Variants in DAB1 observed in about 807,000 individuals in gnomAD.
DAB1 encodes disabled homolog 1.
DAB1 carries 15 observed loss-of-function variants against 64.6 expected under a neutral mutation model. That is an observed-to-expected ratio of 0.23 (90% confidence interval 0.16 to 0.36). DAB1 has a LOEUF of 0.36. DAB1 is among the 10% of genes least tolerant of loss of function. The pLI, the probability that DAB1 is intolerant of heterozygous loss-of-function variation, is 1.00. For synonymous variants in DAB1, 235 were observed against 251.9 expected, an observed-to-expected ratio of 0.93 and a Z score of 0.64; for missense variants, 596 against 706.7, an observed-to-expected ratio of 0.84 and a Z score of 1.78.
intron 2 of DAB1, among the ~76,000 whole-genome samples, chr1:57,213,201 G>T (rs1666166836): frequency 6.6e-6 from 1 of 150,650 alleles, no homozygotes; most frequent in African/African-American, 2.4e-5. Flanking sequence ...GGGATGGGGG[G>T]TGGGATTCTA....
chr1:57,364,907 C>A (rs922959612), intron 1 of DAB1, among the ~76,000 whole-genome samples: 1 of 148,446 alleles, frequency 6.7e-6, no homozygotes, highest in African/African-American at 2.5e-5. Context: ...ACACAAAATT[C>A]AGGTTAGAAG....
At position 57,011,291 on chromosome 1, in the gene DAB1, A is replaced by G; in HGVS notation, c.1445-19T>C. The G allele has an allele frequency of 6.2e-7, 1 of 1,609,958 alleles. No homozygotes were observed. Among genetic ancestry groups the G allele is most frequent in the Non-Finnish European group, 8.5e-7 (1 of 1,178,668 alleles). On this transcript the variant is annotated intron_variant, in intron 12 of 14. Transcript: ENST00000371236. Reference sequence around the variant, plus strand: ...GTTGGAGCTACACAGAGACCACAGAAAAAGAGACATCTTAAGTGCCTGGCT... The same window carrying G: ...GTTGGAGCTACACAGAGACCACAGAGAAAGAGACATCTTAAGTGCCTGGCT...
At chr1:58,388,215 G>A (rs1457249040) in intron 3 of DAB1, among the ~76,000 whole-genome samples, 2 of 152,126 alleles carry the variant, frequency 1.3e-5, no homozygotes, top group East Asian at 3.9e-4. Context: ...ATCATTTTCT[G>A]AGCTCTGACA....
chr1:57,653,879 G>A (rs375202310), intron 6 of DAB1, among the ~76,000 whole-genome samples: 4 of 152,318 alleles, frequency 2.6e-5, no homozygotes, highest in African/African-American at 9.6e-5. Context: ...CCAATGTGCT[G>A]GGATTACAGG....
At chr1:57,048,224 A>T (rs1432334801) in intron 9 of DAB1, among the ~76,000 whole-genome samples, 1 of 152,194 alleles carries the variant, frequency 6.6e-6, no homozygotes, top group Non-Finnish European at 1.5e-5. Flanking sequence ...TCATACTCTC[A>T]ACTGTAATAC....
intron 2 of DAB1, among the ~76,000 whole-genome samples, chr1:58,509,673 A>G (rs2100424140): frequency 6.6e-6 from 1 of 151,800 alleles, no homozygotes; most frequent in Non-Finnish European, 1.5e-5. Flanking sequence ...TAAATAAAGA[A>G]AACAGAGAAT....
chr1:57,654,824 G>C (rs1646297947), intron 6 of DAB1, among the ~76,000 whole-genome samples: 1 of 152,036 alleles, frequency 6.6e-6, no homozygotes, highest in Non-Finnish European at 1.5e-5. Context: ...TCCCTTTACG[G>C]TAAGTGCTTC....
intron 3 of DAB1, among the ~76,000 whole-genome samples, chr1:58,394,057 A>G (rs1644498884): frequency 6.6e-6 from 1 of 152,192 alleles, no homozygotes; most frequent in African/African-American, 2.4e-5. Context: ...ACTCAGTAAT[A>G]AGAAAGCAAC....
intron 3 of DAB1, among the ~76,000 whole-genome samples, chr1:57,138,274 A>T (rs1658299233): frequency 6.6e-6 from 1 of 152,078 alleles, no homozygotes; most frequent in South Asian, 2.1e-4. Flanking sequence ...CAACTTTCTC[A>T]ACTGACAGAT....
At chr1:57,526,138 A>G (rs1233374380) in intron 7 of DAB1, among the ~76,000 whole-genome samples, 1 of 152,064 alleles carries the variant, frequency 6.6e-6, no homozygotes, top group Non-Finnish European at 1.5e-5. Context: ...GGGTTTCACC[A>G]TGTTGGCCAG....
At chr1:57,990,279 G>A (rs919605076) in intron 5 of DAB1, among the ~76,000 whole-genome samples, 5 of 152,184 alleles carry the variant, frequency 3.3e-5, no homozygotes, top group East Asian at 1.9e-4. Context: ...TAGACTTACA[G>A]AGAATAAGTT....
chr1:57,970,167 A>C (rs979641894), intron 5 of DAB1, among the ~76,000 whole-genome samples: 1 of 152,198 alleles, frequency 6.6e-6, no homozygotes, highest in African/African-American at 2.4e-5. Context: ...TATGAGAAAT[A>C]ATAGCTTATT....
At chr1:58,224,584 G>A (rs571737578) in intron 4 of DAB1, among the ~76,000 whole-genome samples, 2 of 152,002 alleles carry the variant, frequency 1.3e-5, no homozygotes, top group East Asian at 1.9e-4. Flanking sequence ...GAAATGCCAC[G>A]GGACATGTTC....
intron 5 of DAB1, among the ~76,000 whole-genome samples, chr1:57,997,312 C>T (rs1330024016): frequency 6.6e-6 from 1 of 152,176 alleles, no homozygotes; most frequent in Non-Finnish European, 1.5e-5. Context: ...GCTGGAAGTG[C>T]TGGCAGGCCA....
chr1:57,147,338 T>C (rs1393151179), intron 2 of DAB1, among the ~76,000 whole-genome samples: 1 of 148,786 alleles, frequency 6.7e-6, no homozygotes, highest in Non-Finnish European at 1.5e-5. Flanking sequence ...AAGAAGCAAG[T>C]AGAAGACACA....
intron 3 of DAB1, among the ~76,000 whole-genome samples, chr1:58,405,491 G>A (rs554686818): frequency 2.6e-5 from 4 of 151,926 alleles, no homozygotes; most frequent in African/African-American, 4.8e-5. Context: ...TCAGCCTCCC[G>A]AGTAGCTGGG....
At chr1:58,068,880 A>G (rs940169292) in intron 5 of DAB1, among the ~76,000 whole-genome samples, 2 of 152,012 alleles carry the variant, frequency 1.3e-5, no homozygotes, top group African/African-American at 4.8e-5. Flanking sequence ...GGCAAACTGC[A>G]CCTCTAATGT....
In DAB1 at chr1:57,042,841, G is replaced by A. The variant is rs572760492; in HGVS notation, c.724-16798C>T. On this transcript the variant is annotated intron_variant, in intron 9 of 14. Transcript: ENST00000371236. ...TGTGCATGCATGCACACATACACAC[G>A]ATCACACACACACATACATACACAC... 7.2e-4 allele frequency among the ~76,000 whole-genome samples: 109 copies of A among 151,360 alleles called. 1 individual carries two copies. The South Asian group carries it at 0.015, about 21-fold the overall frequency.
chr1:57,501,179 G>C (rs1368664186), intron 7 of DAB1, among the ~76,000 whole-genome samples: 1 of 152,158 alleles, frequency 6.6e-6, no homozygotes, highest in East Asian at 1.9e-4. Context: ...ATAGAGCCTA[G>C]ACGTCAAGAG....
Sources: allele counts gnomAD v4.1 joint callset (sites outside exome capture counted in the v4.1 genomes callset), GRCh38; gene constraint gnomAD v4.1.1; transcripts MANE v1.5; gene names NCBI Gene and HGNC (gene_info 2026-07-23, HGNC 2026-07-21).